The following TIMP3 variants were observed in gnomAD, a reference collection of about 807,000 sequenced individuals.
TIMP3 encodes the protein metalloproteinase inhibitor 3.
A neutral mutation model predicts 30.0 loss-of-function variants in TIMP3; 11 were observed. That is an observed-to-expected ratio of 0.37 (90% CI 0.23 to 0.61). The LOEUF (loss-of-function observed/expected upper bound fraction) is 0.61. TIMP3 is among the 20% of genes least tolerant of loss of function. TIMP3 has a pLI of 0.70. For synonymous variants in TIMP3, 112 were observed against 111.3 expected, an observed-to-expected ratio of 1.01 and a Z score of -0.04; for missense variants, 181 against 276.8, an observed-to-expected ratio of 0.65 and a Z score of 2.45.
At chr22:32,831,857 A>G (rs1490234201) in intron 1 of TIMP3, among the ~76,000 whole-genome samples, 2 of 151,898 alleles carry the variant, frequency 1.3e-5, no homozygotes, top group Admixed American at 1.3e-4. Context: ...ACCCCCCCCA[A>G]CCTCCACCAA....
chr22:32,807,378 A>AAATATATATTATAT (rs1569239803), intron 1 of TIMP3, among the ~76,000 whole-genome samples: 1 of 108,242 alleles, frequency 9.2e-6, no homozygotes, highest in African/African-American at 4.1e-5. Context: ...TATTATATAT[A>AAATATATATTATAT]ATATATATTA....
intron 1 of TIMP3, among the ~76,000 whole-genome samples, chr22:32,832,610 C>T (rs1362185244): frequency 2.7e-5 from 4 of 149,708 alleles, no homozygotes; most frequent in Admixed American, 2.0e-4. Context: ...TAGTAGAGTA[C>T]GTAGAGTTAT....
At chr22:32,818,135 A>C (rs866533042) in intron 1 of TIMP3, among the ~76,000 whole-genome samples, 2 of 152,362 alleles carry the variant, frequency 1.3e-5, no homozygotes, top group South Asian at 4.1e-4. Flanking sequence ...AACCTAACTT[A>C]GTCTGAAATT....
At chr22:32,802,162 G>C (rs1490426235) in intron 1 of TIMP3, 40 bp downstream of exon 1, 2 of 1,561,190 alleles carry the variant, frequency 1.3e-6, no homozygotes, top group Non-Finnish European at 1.7e-6. Flanking sequence ...CCACGCTGCA[G>C]CCAGGACTGC....
intron 2 of TIMP3, among the ~76,000 whole-genome samples, chr22:32,854,835 A>C (rs952060449): frequency 6.6e-6 from 1 of 152,196 alleles, no homozygotes; most frequent in African/African-American, 2.4e-5. Flanking sequence ...ATCTGAGTCC[A>C]TCAGAACAAT....
At chr22:32,835,354 G>C (rs140433634) in intron 1 of TIMP3, among the ~76,000 whole-genome samples, 10 of 152,290 alleles carry the variant, frequency 6.6e-5, no homozygotes, top group African/African-American at 2.2e-4. Flanking sequence ...GTGAGTGTAT[G>C]GGGGCAGGGA....
intron 1 of TIMP3, among the ~76,000 whole-genome samples, chr22:32,824,084 C>G (rs1472544561): frequency 2.0e-5 from 3 of 152,058 alleles, no homozygotes; most frequent in Admixed American, 2.0e-4. Context: ...CGAGACCATC[C>G]TGGCTAACAC....
rs371351768 is a variant in TIMP3 at position 32,808,548 on chromosome 22, G to A, written c.121+6426G>A. Among the ~76,000 whole-genome samples, 8 of 152,256 alleles carry A rather than the reference G, an allele frequency of 5.3e-5. No individual in the cohort carries two copies. The East Asian group carries it at 1.4e-3, about 26-fold the overall frequency. On this transcript the variant is annotated intron_variant, in intron 1 of 4. Transcript: ENST00000266085. ...TCTTAGGATAAAGTATCATCAAATGGCTTTTACAAGGGCCAGTGTGGACCC... is the reference window on the plus strand; with the variant it reads ...TCTTAGGATAAAGTATCATCAAATGACTTTTACAAGGGCCAGTGTGGACCC...
chr22:32,835,417 C>T (rs961559499), intron 1 of TIMP3, among the ~76,000 whole-genome samples: 10 of 152,126 alleles, frequency 6.6e-5, no homozygotes, highest in Non-Finnish European at 1.3e-4. Context: ...TAGTTACATA[C>T]ACACTAGGGC....
Position 32,862,757 on chromosome 22 carries a change from G to C in TIMP3, c.*3380G>C, listed in dbSNP as rs1177347761. ...GAACTTGGAGAATAGTTTTTGCTTTGGGGGTAGAGGCTTCTTAGATTCTCC... is the reference window on the plus strand; with the variant it reads ...GAACTTGGAGAATAGTTTTTGCTTTCGGGGTAGAGGCTTCTTAGATTCTCC... On this transcript the variant is annotated 3_prime_UTR_variant, in exon 5 of 5. Coordinates refer to ENST00000266085, the MANE Select transcript of TIMP3 (RefSeq NM_000362.5). The C allele has an allele frequency of 3.8e-4, 58 of 152,544 alleles. No individual in the cohort carries two copies. The highest frequency in any genetic ancestry group is 1.2e-4 in the Non-Finnish European group (8 of 68,030). The allele number at this position is 152,544 out of a possible 1,614,324, so 9.4% of individuals were successfully genotyped here. A position where few individuals can be genotyped will look rare whatever the true frequency, so the allele number is the denominator to read the frequency against.
intron 1 of TIMP3, among the ~76,000 whole-genome samples, chr22:32,805,544 A>G (rs2046708310): frequency 6.6e-6 from 1 of 151,996 alleles, no homozygotes; most frequent in African/African-American, 2.4e-5. Flanking sequence ...GAGAGCTGCT[A>G]TCCAGCTGGA....
chr22:32,807,399 A>ATTATATATAATATATATT (rs35759234), intron 1 of TIMP3, among the ~76,000 whole-genome samples: 2 of 118,362 alleles, frequency 1.7e-5, no homozygotes, highest in Non-Finnish European at 3.3e-5. Context: ...TATATAATAT[A>ATTATATATAATATATATT]TATATATTAT....
At position 32,861,753 on chromosome 22, in the gene TIMP3, G is replaced by A. The variant is rs2048545291; in HGVS notation, c.*2376G>A. 6.6e-6 allele frequency: 1 copy of A among 152,646 alleles called. No individual in the cohort carries two copies. Among genetic ancestry groups the A allele is most frequent in the Non-Finnish European group, 1.5e-5 (1 of 68,050 alleles). 9.5% of individuals were successfully genotyped at this position (152,646 alleles called of 1,614,324 possible). ...CAAAGCGATGTCAGAGGGCGGTTTT[G>A]AGCTTTCTATAAGCTATAGCTTTGT... On this transcript the variant is annotated 3_prime_UTR_variant, in exon 5 of 5. Transcript: ENST00000266085.
At chr22:32,814,317 C>CAGAAAGAAAGAAAGAAAGAAAGAAAGGA (rs552312629) in intron 1 of TIMP3, among the ~76,000 whole-genome samples, 2 of 43,684 alleles carry the variant, frequency 4.6e-5, no homozygotes, top group African/African-American at 2.1e-4. Context: ...GAGAGAGAGA[C>CAGAAAGAAAGAAAGAAAGAAAGAAAGGA]AGAAAGAAAG....
intron 1 of TIMP3, among the ~76,000 whole-genome samples, chr22:32,811,982 A>G (rs2046928537): frequency 6.6e-6 from 1 of 152,168 alleles, no homozygotes; most frequent in South Asian, 2.1e-4. Context: ...TGCCAGGGCT[A>G]GGAGGTGCAG....
At chr22:32,809,597 T>A (rs1291326032) in intron 1 of TIMP3, among the ~76,000 whole-genome samples, 1 of 152,226 alleles carries the variant, frequency 6.6e-6, no homozygotes, top group African/African-American at 2.4e-5. Context: ...CGACACAATT[T>A]CATGTGTTGA....
In TIMP3 at chr22:32,859,293, C is replaced by T. The variant is rs1205141145; in HGVS notation, c.552C>T (p.Cys184=). 2 of 1,614,096 alleles carry T rather than the reference C, an allele frequency of 1.2e-6. No individual in the cohort carries two copies. The highest frequency in any genetic ancestry group is 8.5e-7 in the Non-Finnish European group (1 of 1,180,048). ...GCTACCAGTCCAAACACTACGCCTG[C>T]ATCCGGCAGAAGGGCGGCTACTGCA... ...YPGYQSKHYA[C]IRQKGGYCSW... is the part of the protein sequence containing the mutation. The change falls in exon 5 of 5, where the codon TGC becomes TGT. Residue 184 remains cysteine (C), a synonymous_variant. Coordinates refer to ENST00000266085, the MANE Select transcript of TIMP3 (RefSeq NM_000362.5).
At chr22:32,806,857 A>G (rs905034764) in intron 1 of TIMP3, among the ~76,000 whole-genome samples, 1 of 152,094 alleles carries the variant, frequency 6.6e-6, no homozygotes, top group African/African-American at 2.4e-5. Context: ...TTCTAACTCT[A>G]GTCCCTTCTC....
At position 32,851,227 on chromosome 22, in the gene TIMP3, C is replaced by T. The variant is rs951486837; in HGVS notation, c.204+1693C>T. ...CCAAAGCAGAGGTTCAGAAAACACACGAACCTGCCTGGTCTGGAACAATCC... is the reference window on the plus strand; with the variant it reads ...CCAAAGCAGAGGTTCAGAAAACACATGAACCTGCCTGGTCTGGAACAATCC... On this transcript the variant is annotated intron_variant, in intron 2 of 4. Transcript: ENST00000266085. Among the ~76,000 whole-genome samples, 5 of 152,288 alleles carry T rather than the reference C, an allele frequency of 3.3e-5. No homozygotes were observed. The East Asian group carries it at 5.8e-4, about 18-fold the overall frequency.
Sources: gnomAD v4.1 joint callset for allele counts (sites outside exome capture counted in the v4.1 genomes callset) on GRCh38, gnomAD v4.1.1 for gene constraint, MANE v1.5 for transcripts, NCBI Gene and HGNC (gene_info 2026-07-23, HGNC 2026-07-21) for gene names.